PDE4B: variants seen among roughly 807,000 people sequenced by gnomAD.
PDE4B encodes 3',5'-cyclic-AMP phosphodiesterase 4B.
In PDE4B, 20 loss-of-function variants were observed where a neutral mutation model predicts 82.2. The observed-to-expected ratio is 0.24, with a 90% confidence interval of 0.17 to 0.35. The LOEUF (loss-of-function observed/expected upper bound fraction) is 0.35, where lower values mean the gene tolerates loss of function less well. PDE4B is among the 10% of genes least tolerant of loss of function. The pLI, the probability that PDE4B is intolerant of heterozygous loss-of-function variation, is 1.00. For missense variants in PDE4B, 655 were observed against 907.2 expected (o/e 0.72, Z 3.57); for synonymous variants, 320 against 318.9 (o/e 1.00, Z -0.04).
intron 3 of PDE4B, among the ~76,000 whole-genome samples, chr1:66,105,456 G>GT (rs1645329338): frequency 1.3e-5 from 2 of 152,016 alleles, no homozygotes; most frequent in East Asian, 3.9e-4. Context: ...CTTTAAAGTA[G>GT]TTTTTTCCAA....
chr1:65,955,901 T>C (rs1649234502), intron 3 of PDE4B, among the ~76,000 whole-genome samples: 1 of 152,080 alleles, frequency 6.6e-6, no homozygotes, highest in Non-Finnish European at 1.5e-5. Flanking sequence ...AGCTGAAATA[T>C]GGGATAATAA....
At chr1:65,930,717 A>G (rs1647784882) in intron 3 of PDE4B, among the ~76,000 whole-genome samples, 2 of 152,156 alleles carry the variant, frequency 1.3e-5, no homozygotes, top group African/African-American at 4.8e-5. Flanking sequence ...CTATACCCCC[A>G]TTGTATCTTG....
chr1:66,128,803 A>G (rs1280692905), intron 3 of PDE4B, among the ~76,000 whole-genome samples: 2 of 152,224 alleles, frequency 1.3e-5, no homozygotes, highest in Non-Finnish European at 2.9e-5. Context: ...GGCAGCAGGC[A>G]AGAGTGAAAA....
At chr1:65,814,347 T>C (rs757117277) in intron 1 of PDE4B, among the ~76,000 whole-genome samples, 1 of 152,194 alleles carries the variant, frequency 6.6e-6, no homozygotes, top group Non-Finnish European at 1.5e-5. Context: ...AAAACAGAAA[T>C]TTATGAAGAT....
At chr1:66,233,669 G>A (rs545217976) in intron 3 of PDE4B, among the ~76,000 whole-genome samples, 1 of 149,524 alleles carries the variant, frequency 6.7e-6, no homozygotes, top group Non-Finnish European at 1.5e-5. Flanking sequence ...CACAGATGCC[G>A]TTTACCTGGT....
At chr1:66,284,717 A>G (rs1218894409) in intron 7 of PDE4B, among the ~76,000 whole-genome samples, 1 of 152,204 alleles carries the variant, frequency 6.6e-6, no homozygotes, top group Non-Finnish European at 1.5e-5. Context: ...TTGCTTAGTT[A>G]TTGGAATGAA....
At chr1:66,331,156 T>C (rs1415871587) in intron 7 of PDE4B, among the ~76,000 whole-genome samples, 2 of 152,234 alleles carry the variant, frequency 1.3e-5, no homozygotes, top group Non-Finnish European at 2.9e-5. Context: ...ATTATTCATA[T>C]AATAATTTTT....
chr1:66,024,171 G>A (rs1327621758), intron 3 of PDE4B, among the ~76,000 whole-genome samples: 2 of 152,050 alleles, frequency 1.3e-5, no homozygotes, highest in African/African-American at 4.8e-5. Context: ...CTTACAAAAA[G>A]TCCTAGAGGA....
At chr1:66,204,649 T>A (rs554407075) in intron 3 of PDE4B, among the ~76,000 whole-genome samples, 5 of 151,666 alleles carry the variant, frequency 3.3e-5, no homozygotes, top group Non-Finnish European at 7.4e-5. Context: ...CTCTGAGCCA[T>A]GTGCAGGATA....
chr1:66,226,021 C>T lies in PDE4B; in HGVS notation c.282-21439C>T, dbSNP rs192530734. Reference sequence around the variant, plus strand: ...CATTCTGCTTCTGTATCTTCAGGTCCTAAGCCTTGTGGAATTGGTGTGAGG... The same window carrying T: ...CATTCTGCTTCTGTATCTTCAGGTCTTAAGCCTTGTGGAATTGGTGTGAGG... On this transcript the variant is annotated intron_variant, in intron 3 of 16. Transcript: ENST00000341517. 1.3e-4 allele frequency among the ~76,000 whole-genome samples: 20 copies of T among 152,320 alleles called. No individual in the cohort carries two copies. In the East Asian group the frequency reaches 3.9e-3, roughly 29 times the overall value.
chr1:65,941,437 A>T (rs1209724951), intron 3 of PDE4B, among the ~76,000 whole-genome samples: 1 of 152,110 alleles, frequency 6.6e-6, no homozygotes. Flanking sequence ...TTGGGAGAGC[A>T]TGACGAGGCC....
At chr1:66,081,830 C>CTG (rs1482156616) in intron 3 of PDE4B, among the ~76,000 whole-genome samples, 1,586 of 112,628 alleles carry the variant, frequency 0.014, 26 homozygotes, top group African/African-American at 0.048. Flanking sequence ...CTCTCTCTCT[C>CTG]TCTGTGTGTG....
At chr1:66,233,773 CATG>C (rs1171025292) in intron 3 of PDE4B, among the ~76,000 whole-genome samples, 1 of 151,956 alleles carries the variant, frequency 6.6e-6, no homozygotes, top group East Asian at 1.9e-4. Flanking sequence ...TATGTGATTA[CATG>C]TATGTTGGTT....
intron 16 of PDE4B, among the ~76,000 whole-genome samples, chr1:66,370,838 A>G (rs1484474017): frequency 2.0e-5 from 3 of 151,834 alleles, no homozygotes; most frequent in African/African-American, 7.3e-5. Flanking sequence ...AATAGTCTCT[A>G]ACATTCATTA....
intron 3 of PDE4B, among the ~76,000 whole-genome samples, chr1:66,084,510 A>G (rs1656904005): frequency 6.6e-6 from 1 of 152,152 alleles, no homozygotes; most frequent in Non-Finnish European, 1.5e-5. Context: ...GGCCAATGAC[A>G]TCATAGCAAC....
At chr1:65,907,144 A>G (rs1188760780) in intron 1 of PDE4B, among the ~76,000 whole-genome samples, 1 of 152,144 alleles carries the variant, frequency 6.6e-6, no homozygotes, top group Non-Finnish European at 1.5e-5. Context: ...TACAACTTCA[A>G]AAATTTTGGG....
chr1:66,041,384 G>A lies in PDE4B; in HGVS notation c.281+122549G>A, dbSNP rs375296224. On this transcript the variant is annotated intron_variant, in intron 3 of 16. Transcript: ENST00000341517. Reference sequence around the variant, plus strand: ...CTCTTGATGTTAGTTTGTTCCACATGTCATCCAAGGCTGACAATCGTTATA... The same window carrying A: ...CTCTTGATGTTAGTTTGTTCCACATATCATCCAAGGCTGACAATCGTTATA... Among the ~76,000 whole-genome samples, 7 of 152,020 alleles carry A rather than the reference G, an allele frequency of 4.6e-5. 2 individuals carry two copies. The highest frequency in any genetic ancestry group is 1.9e-4 in the East Asian group (1 of 5,186).
rs1190335954 is a variant in PDE4B, at chr1:65,810,891, AT to A, written c.-71+17645del. On this transcript the variant is annotated intron_variant, in intron 1 of 16. Transcript: ENST00000341517. ...GGATCTACTACTAAATGCCTTTAGG[AT>A]TCTGCTAAACGCTTCGAATACGTTA... Among the ~76,000 whole-genome samples the A allele has an allele frequency of 1.2e-4, 18 of 152,292 alleles. No homozygotes were observed. In the East Asian group the frequency reaches 3.1e-3, roughly 26 times the overall value.
At chr1:65,957,240 A>C (rs982059387) in intron 3 of PDE4B, among the ~76,000 whole-genome samples, 2 of 151,760 alleles carry the variant, frequency 1.3e-5, no homozygotes, top group Admixed American at 6.6e-5. Context: ...TTATATGGTC[A>C]ATGCTTTGTG....
Sources: gnomAD v4.1 joint callset for allele counts (sites outside exome capture counted in the v4.1 genomes callset) on GRCh38, gnomAD v4.1.1 for gene constraint, MANE v1.5 for transcripts, NCBI Gene and HGNC (gene_info 2026-07-23, HGNC 2026-07-21) for gene names.